The following DLGAP1 variants were observed in gnomAD, a reference collection of about 807,000 sequenced individuals.
The protein encoded by DLGAP1 is disks large-associated protein 1.
Under a neutral mutation model 90.8 loss-of-function variants are expected in DLGAP1, and 11 were observed. The ratio of observed to expected loss-of-function variants is 0.12; its 90% CI spans 0.08 to 0.20. The LOEUF (loss-of-function observed/expected upper bound fraction) is 0.20, where lower values mean the gene tolerates loss of function less well. DLGAP1 is among the 10% of genes least tolerant of loss of function. The probability of loss-of-function intolerance (pLI) is 1.00; values close to 1 mark genes in which losing one functional copy is unlikely to be tolerated. For synonymous variants in DLGAP1, 558 were observed against 540.7 expected (o/e 1.03, Z -0.44); for missense variants, 1,050 against 1,333.8 (o/e 0.79, Z 3.31).
chr18:3,837,849 C>CAAAAAAAAAAA lies in DLGAP1; in HGVS notation c.958-23587_958-23577dup. Among the ~76,000 whole-genome samples the CAAAAAAAAAAA allele has an allele frequency of 2.7e-3, 72 of 26,822 alleles. 12 individuals carry two copies. Among genetic ancestry groups the CAAAAAAAAAAA allele is most frequent in the East Asian group, 6.8e-3 (4 of 592 alleles). The allele number at this position is 26,822 out of a possible 152,430, so 17.6% of individuals were successfully genotyped here. On this transcript the variant is annotated intron_variant, in intron 4 of 12. Coordinates refer to ENST00000315677, the MANE Select transcript of DLGAP1 (RefSeq NM_004746.4). The stretch of plus-strand genomic sequence containing the variant: ...CCTGGGCGACAGAGTGAGATTCTGT[C>CAAAAAAAAAAA]AAAAAAAAAAAAAAAAAAAAAAAAA...
Position 4,145,036 on chromosome 18 carries a change from T to C in DLGAP1, c.-159+6144A>G, listed in dbSNP as rs1011426199. 5.9e-5 allele frequency among the ~76,000 whole-genome samples: 9 copies of C among 152,242 alleles called. 1 individual carries two copies. Among genetic ancestry groups the C allele is most frequent in the Non-Finnish European group, 1.0e-4 (7 of 68,036 alleles). On this transcript the variant is annotated intron_variant, in intron 2 of 12. Transcript: ENST00000315677. ...CTTTCAGAGAGTACTTAATCGGTCATTTTATTAAAAATGCCAATGTCAGTA... is the reference window on the plus strand; with the variant it reads ...CTTTCAGAGAGTACTTAATCGGTCACTTTATTAAAAATGCCAATGTCAGTA...
intron 1 of DLGAP1, among the ~76,000 whole-genome samples, chr18:4,230,885 T>C (rs2078285485): frequency 1.3e-5 from 2 of 151,634 alleles, no homozygotes; most frequent in Non-Finnish European, 2.9e-5. Context: ...ATGTATGCCA[T>C]AAATAGATAC....
rs186705720 is a variant in DLGAP1, at chr18:4,000,721, T to C, written c.-73+4395A>G. On this transcript the variant is annotated intron_variant, in intron 3 of 12. Coordinates refer to ENST00000315677, the MANE Select transcript of DLGAP1 (RefSeq NM_004746.4). ...TCACATCTGCTTTCCTTAATATTTC[T>C]GAAATATTTTATACCATTGTCTTCT... Among the ~76,000 whole-genome samples, 160 of 152,344 alleles carry C rather than the reference T, an allele frequency of 1.1e-3. 1 individual carries two copies. The Middle Eastern group carries it at 0.017, about 16-fold the overall frequency.
At chr18:3,672,033 A>G (rs1446212802) in intron 7 of DLGAP1, among the ~76,000 whole-genome samples, 1 of 152,192 alleles carries the variant, frequency 6.6e-6, no homozygotes, top group Non-Finnish European at 1.5e-5. Context: ...TTCAGGAAAA[A>G]CAAAAGCATT....
intron 5 of DLGAP1, among the ~76,000 whole-genome samples, chr18:3,772,208 T>TTTTC (rs10623883): frequency 0.98 from 144,342 of 147,218 alleles, 70,746 homozygotes; most frequent in East Asian, 0.99. Flanking sequence ...TCTTCTCTCC[T>TTTTC]TTTCTTTCTC....
At chr18:4,040,983 C>T (rs1021781342) in intron 2 of DLGAP1, among the ~76,000 whole-genome samples, 1 of 152,170 alleles carries the variant, frequency 6.6e-6, no homozygotes, top group African/African-American at 2.4e-5. Context: ...GGAAATCTAG[C>T]AATGCCTGAA....
intron 1 of DLGAP1, among the ~76,000 whole-genome samples, chr18:4,225,684 C>T (rs1348748653): frequency 6.6e-6 from 1 of 151,214 alleles, no homozygotes; most frequent in Non-Finnish European, 1.5e-5. Context: ...AGTCTCTTAC[C>T]AGTAGAGCTG....
chr18:4,095,498 G>A (rs2075662538), intron 2 of DLGAP1, among the ~76,000 whole-genome samples: 1 of 152,168 alleles, frequency 6.6e-6, no homozygotes, highest in Non-Finnish European at 1.5e-5. Flanking sequence ...TAACCTTGTA[G>A]AGAATTCTTT....
At chr18:4,152,965 C>T (rs2144419917) in intron 1 of DLGAP1, among the ~76,000 whole-genome samples, 1 of 152,212 alleles carries the variant, frequency 6.6e-6, no homozygotes, top group Admixed American at 6.5e-5. Context: ...GATCATTTAT[C>T]CGTTCATGAC....
chr18:4,135,339 T>C (rs1037728929), intron 2 of DLGAP1, among the ~76,000 whole-genome samples: 8 of 152,112 alleles, frequency 5.3e-5, no homozygotes, highest in Non-Finnish European at 1.0e-4. Context: ...GACCAGGAAG[T>C]ACTAGTAGAT....
chr18:3,563,225 T>G (rs992146621), intron 9 of DLGAP1, among the ~76,000 whole-genome samples: 4 of 152,202 alleles, frequency 2.6e-5, no homozygotes, highest in Non-Finnish European at 5.9e-5. Flanking sequence ...GAATATGATA[T>G]GCTTAGGTGT....
At position 3,653,863 on chromosome 18, in the gene DLGAP1, T is replaced by C. The variant is rs928499172; in HGVS notation, c.1592-71615A>G. 6.6e-6 allele frequency: 1 copy of C among 152,220 alleles called. No homozygotes were observed. Among genetic ancestry groups the C allele is most frequent in the Non-Finnish European group, 1.5e-5 (1 of 68,034 alleles). The allele number at this position is 152,220 out of a possible 1,614,324, so 9.4% of individuals were successfully genotyped here. A position where few individuals can be genotyped will look rare whatever the true frequency, so the allele number is the denominator to read the frequency against. Reference sequence around the variant, plus strand: ...CTGCACGAAGCTGCCTTGAATTCATTCTGCAGATGGAAAGTTGCAAGTACG... The same window carrying C: ...CTGCACGAAGCTGCCTTGAATTCATCCTGCAGATGGAAAGTTGCAAGTACG... On this transcript the variant is annotated intron_variant, in intron 7 of 12. Transcript: ENST00000315677. The surrounding 1 kb of genome is among the most constrained non-coding windows in gnomAD (Gnocchi z 4.6).
rs1256543351 is a variant in DLGAP1, at chr18:4,105,781, A to G, written c.-159+45399T>C. Among the ~76,000 whole-genome samples, 4 of 152,196 alleles carry G rather than the reference A, an allele frequency of 2.6e-5. No individual in the cohort carries two copies. In the East Asian group the frequency reaches 7.7e-4, roughly 29 times the overall value. On this transcript the variant is annotated intron_variant, in intron 2 of 12. Coordinates refer to ENST00000315677, the MANE Select transcript of DLGAP1 (RefSeq NM_004746.4). ...CGCGGTGGCTCACGCCTGTAATCCC[A>G]GCACTTTGGGAGGCCGAGGTGGGCG...
intron 2 of DLGAP1, among the ~76,000 whole-genome samples, chr18:4,078,210 C>T (rs2075552654): frequency 6.6e-6 from 1 of 152,126 alleles, no homozygotes; most frequent in Non-Finnish European, 1.5e-5. Context: ...AAAGATTATT[C>T]TGTACAACTG....
intron 3 of DLGAP1, among the ~76,000 whole-genome samples, chr18:3,905,459 T>G (rs2071885303): frequency 6.6e-6 from 1 of 150,886 alleles, no homozygotes. Context: ...GAAGTCACCC[T>G]TATCAATACC....
rs2080949708 is a variant in DLGAP1, at chr18:4,331,448, A to G, written c.-267+123558T>C. On this transcript the variant is annotated intron_variant, in intron 1 of 12. Coordinates refer to ENST00000315677, the MANE Select transcript of DLGAP1 (RefSeq NM_004746.4). ...TCTCCACATCCACAGTACAAACCTA[A>G]AAGAGGTCAAGATCTTCATGACTCT... 2.0e-5 allele frequency among the ~76,000 whole-genome samples: 3 copies of G among 151,776 alleles called. No individual in the cohort carries two copies. The South Asian group carries it at 6.2e-4, about 31-fold the overall frequency.
At chr18:4,419,339 G>A (rs1351143115) in intron 1 of DLGAP1, among the ~76,000 whole-genome samples, 2 of 152,138 alleles carry the variant, frequency 1.3e-5, no homozygotes, top group South Asian at 2.1e-4. Context: ...ATTTGGGTGG[G>A]TACACAGTGC....
intron 3 of DLGAP1, among the ~76,000 whole-genome samples, chr18:3,929,422 G>A (rs905819368): frequency 6.6e-6 from 1 of 152,212 alleles, no homozygotes; most frequent in Non-Finnish European, 1.5e-5. Context: ...CTGTAGCAAA[G>A]AGAGAAGCCC....
intron 4 of DLGAP1, among the ~76,000 whole-genome samples, chr18:3,870,773 C>G (rs958334627): frequency 4.6e-5 from 7 of 152,132 alleles, no homozygotes; most frequent in Admixed American, 3.3e-4. Flanking sequence ...ATGCTGTCTT[C>G]AAAATCTAAC....
Sources: allele counts gnomAD v4.1 joint callset (sites outside exome capture counted in the v4.1 genomes callset), GRCh38; gene constraint gnomAD v4.1.1; non-coding constraint Gnocchi (gnomAD v3.1); transcripts MANE v1.5; gene names NCBI Gene and HGNC (gene_info 2026-07-23, HGNC 2026-07-21).